CFAP299: variants seen among roughly 807,000 people sequenced by gnomAD.
CFAP299 encodes cilia and flagella associated protein 299.
CFAP299 carries 21 observed loss-of-function variants against 27.0 expected under a neutral mutation model. That is an observed-to-expected ratio of 0.78 (90% CI 0.55 to 1.12). The LOEUF (loss-of-function observed/expected upper bound fraction) is 1.12, where lower values mean the gene tolerates loss of function less well. Ranked by LOEUF, CFAP299 falls within the 50% of genes most tolerant of loss-of-function variation. The pLI is 0.00. For missense variants in CFAP299, 310 were observed against 276.6 expected, an observed-to-expected ratio of 1.12 and a Z score of -0.86; for synonymous variants, 104 against 98.1, an observed-to-expected ratio of 1.06 and a Z score of -0.36.
chr4:80,411,834 G>A (rs1046761500), intron 2 of CFAP299, among the ~76,000 whole-genome samples: 3 of 152,034 alleles, frequency 2.0e-5, no homozygotes, highest in Non-Finnish European at 2.9e-5. Flanking sequence ...GAGGATGAGA[G>A]AACAGATATG....
chr4:80,369,160 T>G (rs1009299286), intron 2 of CFAP299, among the ~76,000 whole-genome samples: 12 of 152,126 alleles, frequency 7.9e-5, no homozygotes, highest in Non-Finnish European at 1.3e-4. Context: ...CTTGAAAGGG[T>G]TAAAAGCTGG....
intron 4 of CFAP299, among the ~76,000 whole-genome samples, chr4:80,889,096 A>G (rs915584272): frequency 1.5e-4 from 22 of 151,720 alleles, no homozygotes; most frequent in African/African-American, 5.3e-4. Flanking sequence ...AACAAGAGCA[A>G]ACAAAACCCT....
upstream of CFAP299, among the ~76,000 whole-genome samples, chr4:80,332,174 CTT>C (rs1721965764): frequency 6.6e-6 from 1 of 152,194 alleles, no homozygotes; most frequent in South Asian, 2.1e-4. Flanking sequence ...TCATAATTGA[CTT>C]TGGTGAAAAT....
intron 2 of CFAP299, among the ~76,000 whole-genome samples, chr4:80,398,117 A>C (rs1374716736): frequency 6.6e-6 from 1 of 152,188 alleles, no homozygotes; most frequent in Non-Finnish European, 1.5e-5. Context: ...ATACCTAGGA[A>C]TCCAACTTAC....
chr4:80,343,063 T>C (rs1357712561), intron 1 of CFAP299, among the ~76,000 whole-genome samples: 2 of 152,038 alleles, frequency 1.3e-5, no homozygotes, highest in Non-Finnish European at 2.9e-5. Context: ...ACAACAAAGA[T>C]TTAAAAAGAC....
At chr4:80,907,587 A>C (rs924748997) in intron 4 of CFAP299, among the ~76,000 whole-genome samples, 2 of 152,176 alleles carry the variant, frequency 1.3e-5, no homozygotes, top group African/African-American at 4.8e-5. Flanking sequence ...GGAAGCATGC[A>C]CATCCTTCTT....
At chr4:80,666,681 ATGTT>A (rs1487165905) in intron 3 of CFAP299, among the ~76,000 whole-genome samples, 2 of 152,174 alleles carry the variant, frequency 1.3e-5, no homozygotes, top group Non-Finnish European at 2.9e-5. Context: ...GCCTTCTTGT[ATGTT>A]AGAAACTGGA....
intron 3 of CFAP299, among the ~76,000 whole-genome samples, chr4:80,638,133 T>G (rs1739542834): frequency 6.6e-6 from 1 of 152,158 alleles, no homozygotes; most frequent in Admixed American, 6.6e-5. Flanking sequence ...AAAGCCTCAT[T>G]GCCAGAGTCA....
At chr4:80,360,905 G>A (rs1723512191) in intron 1 of CFAP299, among the ~76,000 whole-genome samples, 1 of 152,136 alleles carries the variant, frequency 6.6e-6, no homozygotes, top group Non-Finnish European at 1.5e-5. Context: ...CATTATTTTG[G>A]GGGTTGGGAA....
rs537441517 is a variant in CFAP299 at position 80,386,049 on chromosome 4, A to T, written c.242+23165A>T. On this transcript the variant is annotated intron_variant, in intron 2 of 5. Coordinates refer to ENST00000358105, the MANE Select transcript of CFAP299 (RefSeq NM_152770.3). ...CCATGAGCCAAGGTTTATGAATGACATTCAGAAGGATTTCTGCCAATGGCT... is the reference window on the plus strand; with the variant it reads ...CCATGAGCCAAGGTTTATGAATGACTTTCAGAAGGATTTCTGCCAATGGCT... The T allele has an allele frequency of 3.3e-4, 143 of 433,956 alleles. No homozygotes were observed. The Middle Eastern group carries it at 4.2e-3, about 13-fold the overall frequency. The allele number at this position is 433,956 out of a possible 1,614,324, so 26.9% of individuals were successfully genotyped here. A position where few individuals can be genotyped will look rare whatever the true frequency, so the allele number is the denominator to read the frequency against.
intron 3 of CFAP299, among the ~76,000 whole-genome samples, chr4:80,661,028 T>C (rs979157967): frequency 6.6e-6 from 1 of 151,754 alleles, no homozygotes; most frequent in Non-Finnish European, 1.5e-5. Context: ...GCTAACTCCG[T>C]TAAAGTGATG....
intron 3 of CFAP299, among the ~76,000 whole-genome samples, chr4:80,585,093 C>T (rs936637384): frequency 1.3e-5 from 2 of 151,906 alleles, no homozygotes; most frequent in African/African-American, 4.8e-5. Context: ...AAAGCGGATG[C>T]CAGCAGATGC....
intron 2 of CFAP299, among the ~76,000 whole-genome samples, chr4:80,411,049 T>G (rs1318746369): frequency 6.6e-6 from 1 of 152,184 alleles, no homozygotes; most frequent in East Asian, 1.9e-4. Flanking sequence ...CGTGTCATAA[T>G]TAAGTTGCTC....
intron 3 of CFAP299, among the ~76,000 whole-genome samples, chr4:80,608,757 G>A (rs1737810326): frequency 6.6e-6 from 1 of 152,000 alleles, no homozygotes; most frequent in Non-Finnish European, 1.5e-5. Context: ...GATGAAGCCA[G>A]GAGGTTTAAT....
intron 3 of CFAP299, among the ~76,000 whole-genome samples, chr4:80,826,703 A>C (rs1185040836): frequency 6.6e-6 from 1 of 151,864 alleles, no homozygotes; most frequent in South Asian, 2.1e-4. Context: ...AAAATAGCTA[A>C]ATCTAATAGA....
intron 2 of CFAP299, among the ~76,000 whole-genome samples, chr4:80,392,377 T>C (rs1406581064): frequency 6.6e-6 from 1 of 152,136 alleles, no homozygotes; most frequent in South Asian, 2.1e-4. Context: ...CAGAATAGTA[T>C]AGTTCGGCTG....
At chr4:80,806,013 T>C (rs1376307981) in intron 3 of CFAP299, among the ~76,000 whole-genome samples, 2 of 152,178 alleles carry the variant, frequency 1.3e-5, no homozygotes, top group African/African-American at 4.8e-5. Context: ...AAAATAATAA[T>C]GACTTAGCTA....
intron 4 of CFAP299, among the ~76,000 whole-genome samples, chr4:80,906,074 A>C (rs1735168680): frequency 6.6e-6 from 1 of 152,232 alleles, no homozygotes; most frequent in South Asian, 2.1e-4. Context: ...TAAAATCAAA[A>C]GCAAGTTAGT....
At chr4:80,700,421 G>T (rs1414109109) in intron 3 of CFAP299, among the ~76,000 whole-genome samples, 1 of 152,102 alleles carries the variant, frequency 6.6e-6, no homozygotes. Flanking sequence ...TTATCAGTGG[G>T]ATGGTGGTGG....
Sources: allele counts gnomAD v4.1 joint callset (sites outside exome capture counted in the v4.1 genomes callset), GRCh38; gene constraint gnomAD v4.1.1; transcripts MANE v1.5; gene names NCBI Gene and HGNC (gene_info 2026-07-23, HGNC 2026-07-21).